RUNX3: variants seen among roughly 807,000 people sequenced by gnomAD.
RUNX3 encodes the protein RUNX family transcription factor 3.
RUNX3 carries 10 observed loss-of-function variants against 27.7 expected under a neutral mutation model. That is an observed-to-expected ratio of 0.36 (90% CI 0.22 to 0.61). RUNX3 has a LOEUF of 0.61. Among genes scored for constraint, RUNX3 ranks in the 20% least tolerant of loss-of-function variants. RUNX3 has a pLI of 0.72. For missense variants in RUNX3, 469 were observed against 629.5 expected (o/e 0.75, Z 2.73); for synonymous variants, 270 against 269.2 (o/e 1.00, Z -0.03).
chr1:24,918,606 GTCAT>G (rs1351075485), intron 3 of RUNX3, among the ~76,000 whole-genome samples: 7 of 150,706 alleles, frequency 4.6e-5, no homozygotes, highest in East Asian at 1.9e-4. Context: ...CAGTCAGTCA[GTCAT>G]TCATTCATTC....
At chr1:24,953,477 A>C (rs1429681226) in intron 2 of RUNX3, among the ~76,000 whole-genome samples, 2 of 151,888 alleles carry the variant, frequency 1.3e-5, no homozygotes, top group Non-Finnish European at 2.9e-5. Flanking sequence ...CTTAAATGCT[A>C]TCTAAATGAA....
At position 24,916,588 on chromosome 1, in the gene RUNX3, G is replaced by A. The variant is rs1279459557; in HGVS notation, c.544+2652C>T. ...TCCCTTCACTCTTACAGATGGGGAC[G>A]CTGAGGACCCGAAAGGCCAAGGATT... On this transcript the variant is annotated intron_variant, in intron 3 of 4. Coordinates refer to ENST00000308873, the MANE Select transcript of RUNX3 (RefSeq NM_004350.3). The surrounding 1 kb of genome is among the most constrained non-coding windows in gnomAD (Gnocchi z 4.8). 2.0e-5 allele frequency among the ~76,000 whole-genome samples: 3 copies of A among 152,134 alleles called. No homozygotes were observed. Among genetic ancestry groups the A allele is most frequent in the Non-Finnish European group, 4.4e-5 (3 of 68,016 alleles).
At chr1:24,945,589 G>A (rs1641586409) in intron 2 of RUNX3, among the ~76,000 whole-genome samples, 1 of 152,174 alleles carries the variant, frequency 6.6e-6, no homozygotes, top group South Asian at 2.1e-4. Flanking sequence ...TGAGGCCCAG[G>A]AGGCTTAGTA....
chr1:24,952,524 A>G (rs1237794736), intron 2 of RUNX3, among the ~76,000 whole-genome samples: 3 of 152,242 alleles, frequency 2.0e-5, no homozygotes, highest in African/African-American at 4.8e-5. Flanking sequence ...AGCTGATAAC[A>G]TCTGAACACA....
intron 2 of RUNX3, among the ~76,000 whole-genome samples, chr1:24,936,268 C>T (rs1641349010): frequency 6.6e-6 from 1 of 152,192 alleles, no homozygotes; most frequent in Non-Finnish European, 1.5e-5. Context: ...AGTTATCACT[C>T]CCATTTTACA....
intron 2 of RUNX3, among the ~76,000 whole-genome samples, chr1:24,938,461 T>C (rs1216833381): frequency 6.6e-6 from 1 of 152,188 alleles, no homozygotes; most frequent in African/African-American, 2.4e-5. Context: ...CCCGGTTGCC[T>C]CTGCACAAAC....
In RUNX3 at chr1:24,916,131, A is replaced by C. The variant is rs1374340355; in HGVS notation, c.544+3109T>G. On this transcript the variant is annotated intron_variant, in intron 3 of 4. Transcript: ENST00000308873. This position sits in a 1 kb window ranked among gnomAD's most constrained non-coding sequence, Gnocchi z 4.8. Reference sequence around the variant, plus strand: ...TCCTTGGCTCCCAGGACCAGCCCCTACTCCCACTTCACCCCACAGCGGGCT... The same window carrying C: ...TCCTTGGCTCCCAGGACCAGCCCCTCCTCCCACTTCACCCCACAGCGGGCT... 6.6e-6 allele frequency among the ~76,000 whole-genome samples: 1 copy of C among 151,648 alleles called. No homozygotes were observed. The highest frequency in any genetic ancestry group is 1.5e-5 in the Non-Finnish European group (1 of 67,924).
intron 2 of RUNX3, among the ~76,000 whole-genome samples, chr1:24,926,749 G>T (rs1641106745): frequency 6.6e-6 from 1 of 152,180 alleles, no homozygotes; most frequent in African/African-American, 2.4e-5. Flanking sequence ...CTAGAGGCGG[G>T]CCTGGTGCTT....
At chr1:24,932,513 C>CGAG (rs1641255566), upstream of RUNX3, among the ~76,000 whole-genome samples, 1 of 152,186 alleles carries the variant, frequency 6.6e-6, no homozygotes. Context: ...CGACCGCCCC[C>CGAG]GAGGAGCTGC....
At chr1:24,925,798 C>T (rs1641087847) in intron 2 of RUNX3, among the ~76,000 whole-genome samples, 1 of 152,098 alleles carries the variant, frequency 6.6e-6, no homozygotes. Context: ...TAAACTCAGC[C>T]TCTTGCATCT....
chr1:24,934,451 AC>A (rs2124321198), upstream of RUNX3, among the ~76,000 whole-genome samples: 1 of 152,220 alleles, frequency 6.6e-6, no homozygotes, highest in East Asian at 1.9e-4. Context: ...GGGTGTTAGG[AC>A]CCAGATGCTG....
intron 2 of RUNX3, among the ~76,000 whole-genome samples, chr1:24,926,158 T>C (rs1012614742): frequency 6.6e-6 from 1 of 152,180 alleles, no homozygotes; most frequent in African/African-American, 2.4e-5. Flanking sequence ...CTAGCAGACC[T>C]GGCCACTGCC....
intron 3 of RUNX3, among the ~76,000 whole-genome samples, chr1:24,918,276 T>C (rs1240240148): frequency 6.6e-6 from 1 of 152,136 alleles, no homozygotes; most frequent in Admixed American, 6.5e-5. Context: ...GCCTAGAATC[T>C]TGCCTCTGGG....
Position 24,943,674 on chromosome 1 carries a change from G to A in RUNX3, c.59-13822C>T, listed in dbSNP as rs764537684. Among the ~76,000 whole-genome samples the A allele has an allele frequency of 1.8e-4, 27 of 152,300 alleles. No homozygotes were observed. Among genetic ancestry groups the A allele is most frequent in the Admixed American group, 1.4e-3 (21 of 15,310 alleles). ...AACAGGTCTGGAGAGGGGATGTGAC[G>A]TGCTGGGGCCCAGGGGAGTCCAAAG... is the stretch of plus-strand genomic sequence containing the variant. On this transcript the variant is annotated intron_variant, in intron 2 of 6. Coordinates refer to the RUNX3 transcript ENST00000338888. The surrounding 1 kb of genome is among the most constrained non-coding windows in gnomAD (Gnocchi z 4.6).
At chr1:24,963,596 C>T (rs1267343714) in intron 2 of RUNX3, among the ~76,000 whole-genome samples, 2 of 152,166 alleles carry the variant, frequency 1.3e-5, no homozygotes, top group Non-Finnish European at 2.9e-5. Context: ...TAAGGTCTCT[C>T]AGCAAGGAAG....
rs1415089768 is a variant in RUNX3, at chr1:24,916,758, G to A, written c.544+2482C>T. On this transcript the variant is annotated intron_variant, in intron 3 of 4. Transcript: ENST00000308873. The surrounding 1 kb of genome is among the most constrained non-coding windows in gnomAD (Gnocchi z 4.8). ...TAGACTGCCCCCCGACTCCATCTCT[G>A]CTCTGTTCTGTAAATAAAACCACTG... 6.6e-6 allele frequency among the ~76,000 whole-genome samples: 1 copy of A among 152,116 alleles called. No individual in the cohort carries two copies. Among genetic ancestry groups the A allele is most frequent in the African/African-American group, 2.4e-5 (1 of 41,416 alleles).
intron 3 of RUNX3, among the ~76,000 whole-genome samples, chr1:24,910,514 A>C (rs113083034): frequency 2.6e-5 from 4 of 152,304 alleles, no homozygotes; most frequent in African/African-American, 9.6e-5. Flanking sequence ...GTAGGGCATG[A>C]GGGGACAGAG....
At chr1:24,938,872 T>C (rs978453955) in intron 2 of RUNX3, among the ~76,000 whole-genome samples, 7 of 152,192 alleles carry the variant, frequency 4.6e-5, no homozygotes, top group Admixed American at 2.6e-4. Context: ...GCCTTGATCT[T>C]GGACTTCCCA....
At chr1:24,941,320 C>T (rs1012458720) in intron 2 of RUNX3, among the ~76,000 whole-genome samples, 1 of 152,184 alleles carries the variant, frequency 6.6e-6, no homozygotes, top group Admixed American at 6.5e-5. Context: ...TAGGAAGGGG[C>T]AGAGCTGGGA....
Sources: gnomAD v4.1 joint callset for allele counts (sites outside exome capture counted in the v4.1 genomes callset) on GRCh38, gnomAD v4.1.1 for gene constraint, Gnocchi (gnomAD v3.1) non-coding constraint, MANE v1.5 for transcripts, NCBI Gene and HGNC (gene_info 2026-07-23, HGNC 2026-07-21) for gene names.